The following PTPRD variants were observed in gnomAD, a reference collection of about 807,000 sequenced individuals.
The protein encoded by PTPRD is protein tyrosine phosphatase receptor type D, also known as receptor-type tyrosine-protein phosphatase delta.
PTPRD carries 34 observed loss-of-function variants against 214.5 expected under a neutral mutation model. The ratio of observed to expected loss-of-function variants is 0.16; its 90% CI spans 0.12 to 0.21. The LOEUF is 0.21. Among genes scored for constraint, PTPRD ranks in the 10% least tolerant of loss-of-function variants. The probability of loss-of-function intolerance (pLI) is 1.00; values close to 1 mark genes in which losing one functional copy is unlikely to be tolerated. For synonymous variants in PTPRD, 1,128 were observed against 845.7 expected, an observed-to-expected ratio of 1.33 and a Z score of -5.79; for missense variants, 2,545 against 2,398.7, an observed-to-expected ratio of 1.06 and a Z score of -1.27.
intron 37 of PTPRD, among the ~76,000 whole-genome samples, chr9:8,377,805 T>C (rs745598649): frequency 6.6e-6 from 1 of 152,050 alleles, no homozygotes; most frequent in Non-Finnish European, 1.5e-5. Flanking sequence ...GTCCAGCAAA[T>C]AGAATTATTA....
intron 11 of PTPRD, among the ~76,000 whole-genome samples, chr9:9,007,031 A>G (rs967524937): frequency 4.6e-5 from 7 of 152,010 alleles, no homozygotes; most frequent in Non-Finnish European, 7.4e-5. Context: ...GCAAGTAAAA[A>G]GTAAGTTCAG....
At chr9:8,953,766 A>G (rs925737782) in intron 11 of PTPRD, among the ~76,000 whole-genome samples, 2 of 152,112 alleles carry the variant, frequency 1.3e-5, no homozygotes, top group African/African-American at 4.8e-5. Context: ...ATCACTAATC[A>G]TCAGAGAAAT....
intron 8 of PTPRD, among the ~76,000 whole-genome samples, chr9:9,436,816 C>A (rs1053672052): frequency 6.6e-6 from 1 of 151,960 alleles, no homozygotes; most frequent in Non-Finnish European, 1.5e-5. Flanking sequence ...GAATTTTCCA[C>A]ACTGGTTCCT....
chr9:10,017,095 G>A (rs544408791), intron 4 of PTPRD, among the ~76,000 whole-genome samples: 1 of 152,158 alleles, frequency 6.6e-6, no homozygotes, highest in African/African-American at 2.4e-5. Context: ...CACCAGTAAT[G>A]TGAATAAAGT....
At chr9:8,419,760 G>A (rs1476101315) in intron 35 of PTPRD, among the ~76,000 whole-genome samples, 1 of 151,936 alleles carries the variant, frequency 6.6e-6, no homozygotes, top group African/African-American at 2.4e-5. Flanking sequence ...ACCCTAAGAA[G>A]TTCTGCCAGG....
chr9:10,107,439 C>T (rs907234972), intron 3 of PTPRD, among the ~76,000 whole-genome samples: 1 of 151,858 alleles, frequency 6.6e-6, no homozygotes, highest in Admixed American at 6.6e-5. Flanking sequence ...CAGAAGCAGC[C>T]CTGGAATTGC....
At chr9:8,883,865 G>A (rs901062846) in intron 11 of PTPRD, among the ~76,000 whole-genome samples, 2 of 152,142 alleles carry the variant, frequency 1.3e-5, no homozygotes, top group African/African-American at 4.8e-5. Flanking sequence ...ACCAAAGGCA[G>A]AGCAAAATAT....
intron 5 of PTPRD, among the ~76,000 whole-genome samples, chr9:9,796,445 T>C (rs1711519815): frequency 6.6e-6 from 1 of 152,126 alleles, no homozygotes; most frequent in Admixed American, 6.6e-5. Context: ...ATGGCTCTGA[T>C]GTTCAGGAGA....
chr9:8,627,367 G>A (rs1381767487), intron 14 of PTPRD, among the ~76,000 whole-genome samples: 2 of 151,710 alleles, frequency 1.3e-5, no homozygotes, highest in Non-Finnish European at 2.9e-5. Flanking sequence ...CAAACTCTCT[G>A]GACCTTGGCT....
intron 10 of PTPRD, among the ~76,000 whole-genome samples, chr9:9,129,071 G>T (rs1400805783): frequency 2.6e-5 from 4 of 152,162 alleles, no homozygotes; most frequent in Non-Finnish European, 5.9e-5. Flanking sequence ...GCTCTTACAA[G>T]CAGTCCTAAC....
At chr9:8,449,168 T>C (rs1261790128) in intron 34 of PTPRD, among the ~76,000 whole-genome samples, 3 of 152,216 alleles carry the variant, frequency 2.0e-5, no homozygotes, top group Non-Finnish European at 2.9e-5. Flanking sequence ...AGTCACTTTA[T>C]GTTTCTCTCT....
At chr9:9,335,438 C>T (rs985699603) in intron 9 of PTPRD, among the ~76,000 whole-genome samples, 20 of 152,184 alleles carry the variant, frequency 1.3e-4, no homozygotes, top group East Asian at 3.9e-4. Context: ...TTTCTCACTA[C>T]GTGTTTTTAA....
At chr9:9,725,310 C>G (rs893577322) in intron 7 of PTPRD, among the ~76,000 whole-genome samples, 5 of 104,664 alleles carry the variant, frequency 4.8e-5, no homozygotes, top group Non-Finnish European at 3.7e-5. Context: ...TTTCCCTGCA[C>G]AAGCTTTTTT....
At chr9:9,593,115 AGGAAG>A (rs1224297081) in intron 7 of PTPRD, among the ~76,000 whole-genome samples, 1 of 145,870 alleles carries the variant, frequency 6.9e-6, no homozygotes, top group African/African-American at 2.6e-5. Context: ...AGAGAAAGGA[AGGAAG>A]GAAAGGAAAG....
At chr9:8,913,026 T>A (rs1253818944) in intron 11 of PTPRD, among the ~76,000 whole-genome samples, 1 of 152,120 alleles carries the variant, frequency 6.6e-6, no homozygotes, top group Non-Finnish European at 1.5e-5. Context: ...GTTCTTAAGC[T>A]TAACGATTTA....
At chr9:9,135,257 T>C (rs1316396549) in intron 10 of PTPRD, among the ~76,000 whole-genome samples, 1 of 152,236 alleles carries the variant, frequency 6.6e-6, no homozygotes, top group Non-Finnish European at 1.5e-5. Context: ...ACAATTCCTC[T>C]GGCACCTAGT....
rs904278751 is a variant in PTPRD at position 9,769,616 on chromosome 9, G to A, written c.-367-2765C>T. On this transcript the variant is annotated intron_variant, in intron 5 of 45. Coordinates refer to ENST00000381196, the MANE Select transcript of PTPRD (RefSeq NM_002839.4). ...GCTGGGATTACAGGCTTGAGCCACCGTGCCCGGCCACCAGAAGCCCTTTTA... is the reference window on the plus strand; with the variant it reads ...GCTGGGATTACAGGCTTGAGCCACCATGCCCGGCCACCAGAAGCCCTTTTA... 1.1e-4 allele frequency among the ~76,000 whole-genome samples: 16 copies of A among 151,286 alleles called. 1 individual carries two copies. Among genetic ancestry groups the A allele is most frequent in the African/African-American group, 3.2e-4 (13 of 41,152 alleles).
intron 11 of PTPRD, among the ~76,000 whole-genome samples, chr9:8,780,934 T>C (rs1433836535): frequency 6.6e-6 from 1 of 152,226 alleles, no homozygotes; most frequent in Admixed American, 6.5e-5. Flanking sequence ...ATTGATCAGC[T>C]GTGGTCAGAT....
intron 2 of PTPRD, among the ~76,000 whole-genome samples, chr9:10,343,753 T>A (rs573489497): frequency 6.6e-6 from 1 of 152,254 alleles, no homozygotes; most frequent in East Asian, 1.9e-4. Context: ...TTTTCATGTG[T>A]CTGTTGGCTG....
Sources: allele counts gnomAD v4.1 joint callset (sites outside exome capture counted in the v4.1 genomes callset), GRCh38; gene constraint gnomAD v4.1.1; transcripts MANE v1.5; gene names NCBI Gene and HGNC (gene_info 2026-07-23, HGNC 2026-07-21).